The following SKAP1 variants were observed in gnomAD, a reference collection of about 807,000 sequenced individuals.
The protein encoded by SKAP1 is src kinase associated phosphoprotein 1.
Under a neutral mutation model 58.5 loss-of-function variants are expected in SKAP1, and 44 were observed. That is an observed-to-expected ratio of 0.75 (90% CI 0.59 to 0.97). The LOEUF is 0.97. SKAP1 is among the 50% of genes least tolerant of loss of function. The pLI is 0.00. For synonymous variants in SKAP1, 127 were observed against 149.7 expected, an observed-to-expected ratio of 0.85 and a Z score of 1.11; for missense variants, 390 against 435.2, an observed-to-expected ratio of 0.90 and a Z score of 0.92.
chr17:48,342,380 G>T (rs745313023), intron 4 of SKAP1, among the ~76,000 whole-genome samples: 14 of 152,064 alleles, frequency 9.2e-5, no homozygotes, highest in Non-Finnish European at 1.9e-4. Flanking sequence ...CTGTAACCTT[G>T]GTTTTCATTT....
intron 4 of SKAP1, among the ~76,000 whole-genome samples, chr17:48,324,634 G>A (rs1293186999): frequency 6.6e-6 from 1 of 151,974 alleles, no homozygotes; most frequent in East Asian, 1.9e-4. Context: ...TTTAGTGGTT[G>A]CACATATTCT....
chr17:48,381,918 T>C (rs2067218659), intron 2 of SKAP1, among the ~76,000 whole-genome samples: 3 of 152,236 alleles, frequency 2.0e-5, no homozygotes, highest in African/African-American at 7.2e-5. Context: ...TGAAGTTGCA[T>C]TATTCACTTT....
intron 4 of SKAP1, among the ~76,000 whole-genome samples, chr17:48,239,580 T>C (rs1049532349): frequency 6.6e-6 from 1 of 152,102 alleles, no homozygotes; most frequent in African/African-American, 2.4e-5. Context: ...AAGAGTGAAA[T>C]AGAAAAAGCT....
intron 7 of SKAP1, among the ~76,000 whole-genome samples, chr17:48,182,808 C>T (rs1323518749): frequency 1.3e-5 from 2 of 152,176 alleles, no homozygotes; most frequent in African/African-American, 4.8e-5. Context: ...TAAAAGGAGG[C>T]ACATTTTGTA....
At chr17:48,367,958 G>C (rs954523442) in intron 2 of SKAP1, among the ~76,000 whole-genome samples, 3 of 151,238 alleles carry the variant, frequency 2.0e-5, no homozygotes, top group African/African-American at 7.3e-5. Context: ...ATTATATGTA[G>C]AATTTGATGT....
intron 4 of SKAP1, among the ~76,000 whole-genome samples, chr17:48,244,929 C>T (rs1370772310): frequency 6.6e-6 from 1 of 152,168 alleles, no homozygotes; most frequent in Non-Finnish European, 1.5e-5. Flanking sequence ...AAACCTGGAC[C>T]ATAATCGTAG....
intron 1 of SKAP1, among the ~76,000 whole-genome samples, chr17:48,414,657 T>G (rs1215857071): frequency 6.6e-6 from 1 of 152,166 alleles, no homozygotes; most frequent in Non-Finnish European, 1.5e-5. Context: ...GGTATCTATG[T>G]CAGCAAGTCA....
At chr17:48,428,580 C>A (rs1321858397) in intron 1 of SKAP1, among the ~76,000 whole-genome samples, 1 of 152,200 alleles carries the variant, frequency 6.6e-6, no homozygotes, top group African/African-American at 2.4e-5. Flanking sequence ...GAATTTTCTA[C>A]CAAGCCTAGA....
At chr17:48,381,647 G>A (rs1173365960) in intron 2 of SKAP1, among the ~76,000 whole-genome samples, 2 of 152,140 alleles carry the variant, frequency 1.3e-5, no homozygotes, top group Non-Finnish European at 2.9e-5. Flanking sequence ...AGTTATTTGT[G>A]CAGGATTTTT....
At chr17:48,248,428 A>G (rs2143859130) in intron 4 of SKAP1, among the ~76,000 whole-genome samples, 1 of 152,190 alleles carries the variant, frequency 6.6e-6, no homozygotes, top group South Asian at 2.1e-4. Flanking sequence ...ATAGCCGGGC[A>G]TAGTGGCATG....
Position 48,309,242 on chromosome 17 carries a change from A to G in SKAP1, c.280+36663T>C, listed in dbSNP as rs1018359170. On this transcript the variant is annotated intron_variant, in intron 4 of 12. Transcript: ENST00000336915. The stretch of plus-strand genomic sequence containing the variant: ...GTGGTTCTAATAACTTGGTTCCGAT[A>G]TTTGTATTGTAAATATTTTCATGTT... Among the ~76,000 whole-genome samples the G allele has an allele frequency of 9.9e-5, 15 of 152,132 alleles. No homozygotes were observed. The South Asian group carries it at 1.2e-3, about 13-fold the overall frequency.
intron 1 of SKAP1, among the ~76,000 whole-genome samples, chr17:48,423,764 G>GT (rs2067822485): frequency 6.6e-6 from 1 of 152,106 alleles, no homozygotes; most frequent in Non-Finnish European, 1.5e-5. Context: ...ATTCTTGTTT[G>GT]TTTGTTTTCT....
intron 2 of SKAP1, among the ~76,000 whole-genome samples, chr17:48,393,334 T>A (rs759498595): frequency 2.0e-5 from 3 of 152,182 alleles, no homozygotes; most frequent in Non-Finnish European, 2.9e-5. Flanking sequence ...TATGTAAATA[T>A]AGATAGGATT....
At chr17:48,387,398 C>T (rs1341960474) in intron 2 of SKAP1, among the ~76,000 whole-genome samples, 1 of 152,182 alleles carries the variant, frequency 6.6e-6, no homozygotes, top group African/African-American at 2.4e-5. Context: ...GCCACTATCT[C>T]TTCTCTCCAT....
chr17:48,233,722 G>A (rs1457818943), intron 4 of SKAP1, among the ~76,000 whole-genome samples: 1 of 152,038 alleles, frequency 6.6e-6, no homozygotes, highest in Non-Finnish European at 1.5e-5. Context: ...CGGGCATAGT[G>A]GCTCGCACCT....
intron 2 of SKAP1, among the ~76,000 whole-genome samples, chr17:48,375,682 A>G (rs2067141647): frequency 6.6e-6 from 1 of 152,242 alleles, no homozygotes; most frequent in Non-Finnish European, 1.5e-5. Context: ...ATGAACTAAT[A>G]AAGGAAAAAT....
At chr17:48,161,687 C>T (rs936348621) in intron 11 of SKAP1, among the ~76,000 whole-genome samples, 1 of 152,208 alleles carries the variant, frequency 6.6e-6, no homozygotes, top group Non-Finnish European at 1.5e-5. Flanking sequence ...GGATTGAATT[C>T]ACTCTCTTGG....
chr17:48,303,897 T>A (rs1230588698), intron 4 of SKAP1, among the ~76,000 whole-genome samples: 1 of 152,202 alleles, frequency 6.6e-6, no homozygotes, highest in Non-Finnish European at 1.5e-5. Flanking sequence ...GGAGTGTGAA[T>A]GCTAAGGTTA....
At chr17:48,196,596 T>G (rs1179822791) in intron 4 of SKAP1, 1 of 152,184 alleles carries the variant, frequency 6.6e-6, no homozygotes, top group African/African-American at 2.4e-5. Flanking sequence ...TGTTGCCATA[T>G]TTATGTCCAT....
Sources: gnomAD v4.1 joint callset for allele counts (sites outside exome capture counted in the v4.1 genomes callset) on GRCh38, gnomAD v4.1.1 for gene constraint, MANE v1.5 for transcripts, NCBI Gene and HGNC (gene_info 2026-07-23, HGNC 2026-07-21) for gene names.